Variants in MTUS2 observed in about 807,000 individuals in gnomAD.
MTUS2 encodes the protein microtubule associated scaffold protein 2.
A neutral mutation model predicts 114.1 loss-of-function variants in MTUS2; 40 were observed. The observed-to-expected ratio is 0.35, with a 90% CI of 0.27 to 0.46. MTUS2 has a LOEUF of 0.46. MTUS2 is among the 20% of genes least tolerant of loss of function. The probability of loss-of-function intolerance (pLI) is 1.00; values close to 1 mark genes in which losing one functional copy is unlikely to be tolerated. For missense variants in MTUS2, 1,679 were observed against 1,705.4 expected (o/e 0.98, Z 0.27); for synonymous variants, 688 against 672.0 (o/e 1.02, Z -0.37).
chr13:29,389,593 ATGTGTGTATACGTATACATATG>A (rs1873079917), intron 8 of MTUS2, among the ~76,000 whole-genome samples: 1 of 134,010 alleles, frequency 7.5e-6, no homozygotes, highest in South Asian at 2.3e-4. Flanking sequence ...ACGTATACAT[ATGTGTGTATACGTATACATATG>A]TGTGTATATA....
chr13:28,990,970 G>A (rs1457528797), intron 2 of MTUS2, among the ~76,000 whole-genome samples: 2 of 152,194 alleles, frequency 1.3e-5, no homozygotes, highest in African/African-American at 4.8e-5. Flanking sequence ...CACGAGGTCT[G>A]CGGCTTCATT....
At chr13:29,405,779 C>T (rs566764812) in intron 8 of MTUS2, among the ~76,000 whole-genome samples, 5 of 143,670 alleles carry the variant, frequency 3.5e-5, no homozygotes, top group Non-Finnish European at 6.0e-5. Flanking sequence ...CTTGCTCTGT[C>T]GCCCAGGTTG....
intron 2 of MTUS2, among the ~76,000 whole-genome samples, chr13:28,884,962 CTG>C (rs145175755): frequency 4.6e-5 from 7 of 151,134 alleles, no homozygotes; most frequent in Non-Finnish European, 7.4e-5. Flanking sequence ...GCGTCCTCAC[CTG>C]TGTGTGTGTG....
intron 2 of MTUS2, among the ~76,000 whole-genome samples, chr13:28,941,559 G>A (rs1247031575): frequency 6.6e-6 from 1 of 151,492 alleles, no homozygotes; most frequent in Non-Finnish European, 1.5e-5. Flanking sequence ...TGAAAATTTG[G>A]TGAATGTTTA....
intron 9 of MTUS2, among the ~76,000 whole-genome samples, chr13:29,442,804 G>A (rs769036819): frequency 2.6e-5 from 4 of 152,214 alleles, no homozygotes; most frequent in Non-Finnish European, 4.4e-5. Context: ...CATGAGGAAG[G>A]TTGGGTCTTC....
intron 5 of MTUS2, among the ~76,000 whole-genome samples, chr13:29,253,680 A>C (rs1256332308): frequency 6.6e-6 from 1 of 152,282 alleles, no homozygotes; most frequent in Non-Finnish European, 1.5e-5. Context: ...GTCCATTTTC[A>C]TACTGCTATG....
chr13:29,360,149 T>G (rs187537208), intron 8 of MTUS2, among the ~76,000 whole-genome samples: 204 of 152,334 alleles, frequency 1.3e-3, no homozygotes, highest in African/African-American at 4.8e-3. Flanking sequence ...ACTGCATTTG[T>G]TCTCCACCTT....
intron 2 of MTUS2, among the ~76,000 whole-genome samples, chr13:28,891,858 C>CAAAAAAAAAAAAAAAAAAA (rs1169875500): frequency 1.9e-5 from 1 of 52,184 alleles, no homozygotes; most frequent in Non-Finnish European, 3.7e-5. Flanking sequence ...GACTCTGTCT[C>CAAAAAAAAAAAAAAAAAAA]AAAAAAAAAA....
chr13:29,462,579 G>A (rs1879580931), intron 9 of MTUS2, among the ~76,000 whole-genome samples: 1 of 152,262 alleles, frequency 6.6e-6, no homozygotes, highest in South Asian at 2.1e-4. Flanking sequence ...AGCTGACATG[G>A]CCTGATTGCA....
chr13:29,491,296 G>A (rs9508474), intron 11 of MTUS2, among the ~76,000 whole-genome samples: 80,721 of 149,118 alleles, frequency 0.54, 22,916 homozygotes, highest in Non-Finnish European at 0.64. Context: ...GGATTTGGAG[G>A]TGTGCAGGCG....
At chr13:28,913,360 A>G (rs1194977460) in intron 2 of MTUS2, among the ~76,000 whole-genome samples, 2 of 152,082 alleles carry the variant, frequency 1.3e-5, no homozygotes, top group South Asian at 2.1e-4. Flanking sequence ...TTCTGTGTCT[A>G]TTGAGATAAT....
At chr13:28,834,867 A>G (rs4430605) in intron 1 of MTUS2, among the ~76,000 whole-genome samples, 76,289 of 152,026 alleles carry the variant, frequency 0.5, 19,840 homozygotes, top group African/African-American at 0.56. Flanking sequence ...TTAAAAATTC[A>G]ACAAAGGATT....
chr13:29,197,438 T>G (rs1391371251), intron 5 of MTUS2, among the ~76,000 whole-genome samples: 2 of 152,212 alleles, frequency 1.3e-5, no homozygotes, highest in Non-Finnish European at 2.9e-5. Flanking sequence ...ATGGTGTATA[T>G]GTGCCACATT....
chr13:28,888,805 A>C (rs1478704012), intron 2 of MTUS2, among the ~76,000 whole-genome samples: 1 of 144,172 alleles, frequency 6.9e-6, no homozygotes, highest in Non-Finnish European at 1.5e-5. Flanking sequence ...TCTGAAAAAC[A>C]AGAGATATTT....
chr13:29,368,206 G>A (rs1416556183), intron 8 of MTUS2, among the ~76,000 whole-genome samples: 1 of 151,664 alleles, frequency 6.6e-6, no homozygotes. Context: ...CCAAAGTGCT[G>A]GTATTATGGG....
intron 5 of MTUS2, among the ~76,000 whole-genome samples, chr13:29,194,910 C>T (rs1339234389): frequency 6.7e-6 from 1 of 149,024 alleles, no homozygotes; most frequent in Non-Finnish European, 1.5e-5. Context: ...GAATACTATG[C>T]AGCCATAAAA....
chr13:28,931,102 C>A (rs2138089245), intron 2 of MTUS2, among the ~76,000 whole-genome samples: 3 of 152,270 alleles, frequency 2.0e-5, no homozygotes, highest in Non-Finnish European at 4.4e-5. Context: ...AATTCTGTTC[C>A]CTGGCCCTGG....
At chr13:28,950,481 C>T (rs778219794) in intron 2 of MTUS2, among the ~76,000 whole-genome samples, 1 of 152,078 alleles carries the variant, frequency 6.6e-6, no homozygotes, top group African/African-American at 2.4e-5. Flanking sequence ...ACCTTTGTTG[C>T]TTGTAATTTT....
intron 8 of MTUS2, among the ~76,000 whole-genome samples, chr13:29,407,859 C>T (rs1012725201): frequency 2.6e-5 from 4 of 152,190 alleles, no homozygotes; most frequent in Non-Finnish European, 4.4e-5. Flanking sequence ...GAGATATCAT[C>T]AGACCCTAAC....
Sources: allele counts gnomAD v4.1 joint callset (sites outside exome capture counted in the v4.1 genomes callset), GRCh38; gene constraint gnomAD v4.1.1; transcripts MANE v1.5; gene names NCBI Gene and HGNC (gene_info 2026-07-23, HGNC 2026-07-21).